FGF13: variants seen among roughly 807,000 people sequenced by gnomAD.
FGF13 encodes fibroblast growth factor 13, also known as fibroblast growth factor homologous factor 2.
In FGF13, 2 loss-of-function variants were observed where a neutral mutation model predicts 19.5. The ratio of observed to expected loss-of-function variants is 0.10; its 90% CI spans 0.04 to 0.32. FGF13 has a LOEUF of 0.32. Among genes scored for constraint, FGF13 ranks in the 10% least tolerant of loss-of-function variants. The pLI, the probability that FGF13 is intolerant of heterozygous loss-of-function variation, is 1.00. For synonymous variants in FGF13, 72 were observed against 76.9 expected (o/e 0.94, Z 0.33); for missense variants, 113 against 192.7 (o/e 0.59, Z 2.45).
intron 3 of FGF13, among the ~76,000 whole-genome samples, chrX:138,640,098 C>A (rs1428395577): frequency 9.0e-6 from 1 of 111,442 alleles, no homozygotes; most frequent in Admixed American, 9.5e-5. Flanking sequence ...GATCCAGGAG[C>A]AAAATCTAAT....
At chrX:138,634,617 A>G (rs771949179) in intron 4 of FGF13, among the ~76,000 whole-genome samples, 38 of 113,059 alleles carry the variant, frequency 3.4e-4, no homozygotes, top group African/African-American at 1.2e-3. Context: ...CAAAAGTATT[A>G]TTAAGGACTG....
At chrX:138,825,674 C>T (rs1479092648) in intron 3 of FGF13, among the ~76,000 whole-genome samples, 2 of 111,446 alleles carry the variant, frequency 1.8e-5, no homozygotes, top group South Asian at 3.8e-4. Flanking sequence ...TTTTCTCATT[C>T]GCAAAATGAG....
At chrX:138,736,951 A>G (rs779374715) in intron 1 of FGF13, among the ~76,000 whole-genome samples, 4 of 111,319 alleles carry the variant, frequency 3.6e-5, no homozygotes, top group South Asian at 7.7e-4. Context: ...GGACAAAAAC[A>G]TTTAGAGAAG....
intron 1 of FGF13, among the ~76,000 whole-genome samples, chrX:138,973,894 C>T (rs2091929606): frequency 9.0e-6 from 1 of 111,619 alleles, no homozygotes; most frequent in Non-Finnish European, 1.9e-5. Context: ...TACAGGCGAA[C>T]TTGAGTCTCT....
intron 1 of FGF13, among the ~76,000 whole-genome samples, chrX:139,090,217 A>G (rs980668594): frequency 8.9e-6 from 1 of 112,004 alleles, no homozygotes; most frequent in Non-Finnish European, 1.9e-5. Flanking sequence ...CTAACAATGC[A>G]TCTGCAAAGT....
intron 3 of FGF13, among the ~76,000 whole-genome samples, chrX:138,788,674 C>T (rs996546607): frequency 8.9e-6 from 1 of 112,191 alleles, no homozygotes; most frequent in Non-Finnish European, 1.9e-5. Context: ...ATCTCCATTC[C>T]CTTCAGTTCA....
At chrX:139,180,558 C>G (rs1050236974) in intron 1 of FGF13, among the ~76,000 whole-genome samples, 11 of 112,011 alleles carry the variant, frequency 9.8e-5, no homozygotes, top group African/African-American at 3.2e-4. Context: ...CTCATTCTAA[C>G]ATATAACATA....
At chrX:138,865,100 G>A (rs1357923351) in intron 1 of FGF13, among the ~76,000 whole-genome samples, 1 of 111,744 alleles carries the variant, frequency 8.9e-6, no homozygotes, top group Non-Finnish European at 1.9e-5. Context: ...TGCTGGTCAA[G>A]GATCATACTT....
intron 3 of FGF13, among the ~76,000 whole-genome samples, chrX:138,786,424 C>A (rs2090692896): frequency 8.9e-6 from 1 of 111,798 alleles, no homozygotes; most frequent in South Asian, 3.8e-4. Context: ...ATCAAAAGAC[C>A]ATGGCAGCTC....
At chrX:139,153,045 G>A (rs181934639) in intron 1 of FGF13, among the ~76,000 whole-genome samples, 2 of 111,306 alleles carry the variant, frequency 1.8e-5, no homozygotes, top group East Asian at 2.9e-4. Context: ...TGTGAGCTCC[G>A]TAAAGGCAGG....
intron 1 of FGF13, among the ~76,000 whole-genome samples, chrX:138,728,082 A>G (rs979322370): frequency 9.8e-5 from 11 of 111,963 alleles, no homozygotes; most frequent in African/African-American, 3.6e-4. Flanking sequence ...TACATGCAGT[A>G]AAATATAAAC....
chrX:138,996,191 G>A (rs1012030027), intron 1 of FGF13, among the ~76,000 whole-genome samples: 1 of 112,245 alleles, frequency 8.9e-6, no homozygotes, highest in South Asian at 3.7e-4. Context: ...GACAGTGGGC[G>A]CAACCCACAG....
chrX:138,800,074 T>C (rs1297958064), intron 3 of FGF13, among the ~76,000 whole-genome samples: 1 of 112,173 alleles, frequency 8.9e-6, no homozygotes, highest in Non-Finnish European at 1.9e-5. Context: ...CCCATTTACA[T>C]TTAAGATTAA....
At chrX:139,136,585 C>G (rs1464495098) in intron 1 of FGF13, among the ~76,000 whole-genome samples, 1 of 111,754 alleles carries the variant, frequency 8.9e-6, no homozygotes, top group Non-Finnish European at 1.9e-5. Context: ...CAAAGCAAAA[C>G]CAGCCTAGGG....
intron 1 of FGF13, among the ~76,000 whole-genome samples, chrX:139,121,506 C>T (rs1569455260): frequency 2.7e-5 from 3 of 111,081 alleles, no homozygotes; most frequent in Admixed American, 9.6e-5. Flanking sequence ...CTCAAACTCT[C>T]TTCCTGCCAG....
intron 1 of FGF13, among the ~76,000 whole-genome samples, chrX:139,034,642 G>A (rs1031641121): frequency 9.0e-6 from 1 of 111,195 alleles, no homozygotes; most frequent in Non-Finnish European, 1.9e-5. Context: ...TGACTTGCAA[G>A]TAGCAAATGC....
intron 1 of FGF13, among the ~76,000 whole-genome samples, chrX:139,159,774 C>T (rs142709012): frequency 3.3e-4 from 36 of 109,854 alleles, no homozygotes; most frequent in Middle Eastern, 4.8e-3. Flanking sequence ...GGGATCAACA[C>T]AACAAGAAGA....
At chrX:138,912,531 C>G (rs1028028012) in intron 1 of FGF13, among the ~76,000 whole-genome samples, 3 of 111,527 alleles carry the variant, frequency 2.7e-5, no homozygotes, top group Admixed American at 9.5e-5. Flanking sequence ...ATAAATATAT[C>G]ACTATTTAAT....
chrX:139,026,977 G>C (rs1415870058), intron 1 of FGF13, among the ~76,000 whole-genome samples: 1 of 111,919 alleles, frequency 8.9e-6, no homozygotes, highest in Non-Finnish European at 1.9e-5. Context: ...AGATTAATGA[G>C]GTCACCATGG....
Sources: gnomAD v4.1 joint callset for allele counts (sites outside exome capture counted in the v4.1 genomes callset) on GRCh38, gnomAD v4.1.1 for gene constraint, MANE v1.5 for transcripts, NCBI Gene and HGNC (gene_info 2026-07-23, HGNC 2026-07-21) for gene names.